Variants in ZCCHC14 observed in about 807,000 individuals in gnomAD.
ZCCHC14 encodes zinc finger CCHC-type containing 14, also known as zinc finger CCHC domain-containing protein 14.
A neutral mutation model predicts 85.0 loss-of-function variants in ZCCHC14; 16 were observed. The observed-to-expected ratio is 0.19, with a 90% CI of 0.13 to 0.29. The LOEUF is 0.29. ZCCHC14 is among the 10% of genes least tolerant of loss of function. ZCCHC14 has a pLI of 1.00. For synonymous variants in ZCCHC14, 775 were observed against 630.7 expected, an observed-to-expected ratio of 1.23 and a Z score of -3.43; for missense variants, 1,303 against 1,443.5, an observed-to-expected ratio of 0.90 and a Z score of 1.58.
chr16:87,452,555 G>A (rs1168675139), intron 2 of ZCCHC14, among the ~76,000 whole-genome samples: 1 of 152,094 alleles, frequency 6.6e-6, no homozygotes, highest in Admixed American at 6.6e-5. Flanking sequence ...ACAAGAAGAG[G>A]GAATTTCAAA....
At chr16:87,428,780 GACTC>G (rs1357147383) in intron 3 of ZCCHC14, among the ~76,000 whole-genome samples, 7 of 152,220 alleles carry the variant, frequency 4.6e-5, no homozygotes, top group Admixed American at 6.5e-5. Flanking sequence ...CTCATAAACG[GACTC>G]ACTGAGTATA....
intron 2 of ZCCHC14, among the ~76,000 whole-genome samples, chr16:87,455,947 T>C (rs1307539686): frequency 2.0e-5 from 3 of 152,206 alleles, no homozygotes; most frequent in Non-Finnish European, 4.4e-5. Context: ...AGCCATGATG[T>C]GTAGCAGGTG....
rs527980501 is a variant in ZCCHC14, at chr16:87,458,408, G to C, written c.694+1600C>G. ...TGAAGACGCTCAACCAAGAGCCACAGACCCTCCCAAGAGCAGTGGATAAGA... is the reference window on the plus strand; with the variant it reads ...TGAAGACGCTCAACCAAGAGCCACACACCCTCCCAAGAGCAGTGGATAAGA... On this transcript the variant is annotated intron_variant, in intron 2 of 12. Coordinates refer to ENST00000671377, the MANE Select transcript of ZCCHC14 (RefSeq NM_015144.3). 1.7e-4 allele frequency among the ~76,000 whole-genome samples: 26 copies of C among 152,310 alleles called. No individual in the cohort carries two copies. The East Asian group carries it at 3.5e-3, about 20-fold the overall frequency.
intron 2 of ZCCHC14, among the ~76,000 whole-genome samples, chr16:87,442,678 A>T (rs1219328570): frequency 2.0e-5 from 3 of 152,270 alleles, no homozygotes; most frequent in Non-Finnish European, 4.4e-5. Context: ...TTATCCAAAC[A>T]AGATAAGCCC....
intron 1 of ZCCHC14, among the ~76,000 whole-genome samples, chr16:87,477,972 G>C (rs146003574): frequency 2.6e-5 from 4 of 151,130 alleles, no homozygotes; most frequent in Admixed American, 2.0e-4. Flanking sequence ...TCCCGAGTCC[G>C]CTGCCCATCA....
At chr16:87,483,304 CAAAAAAAAAAAAAAAAAAAAAAAAA>C (rs56708958) in intron 1 of ZCCHC14, among the ~76,000 whole-genome samples, 5 of 43,666 alleles carry the variant, frequency 1.1e-4, no homozygotes, top group South Asian at 2.9e-3. Context: ...CTAAAAATAC[CAAAAAAAAAAAAAAAAAAAAAAAAA>C]AAAAAAAAAA....
In ZCCHC14 at chr16:87,410,188, T is replaced by C. The variant is rs1458047062; in HGVS notation, c.*92A>G. ...GTAAAGCACCTTTGGATTAAAAAGA[T>C]TAAGCTCAACAGCAACTAGACTTCT... On this transcript the variant is annotated 3_prime_UTR_variant, in exon 13 of 13. Coordinates refer to ENST00000671377, the MANE Select transcript of ZCCHC14 (RefSeq NM_015144.3). The C allele has an allele frequency of 3.3e-6, 2 of 606,902 alleles. No homozygotes were observed. The highest frequency in any genetic ancestry group is 2.9e-5 in the East Asian group (1 of 34,464). 37.6% of individuals were successfully genotyped at this position (606,902 alleles called of 1,614,324 possible).
Position 87,406,888 on chromosome 16 carries a change from C to G in ZCCHC14, c.*3392G>C, listed in dbSNP as rs991183927. On this transcript the variant is annotated 3_prime_UTR_variant, in exon 13 of 13. Coordinates refer to ENST00000671377, the MANE Select transcript of ZCCHC14 (RefSeq NM_015144.3). ...CTGCATGCTGGAAATGGCAGCCACC[C>G]CCGCTCAGGTCGCACAGGACTCTCC... 6.6e-6 allele frequency: 1 copy of G among 152,236 alleles called. No individual in the cohort carries two copies. The highest frequency in any genetic ancestry group is 1.5e-5 in the Non-Finnish European group (1 of 68,096). The allele number at this position is 152,236 out of a possible 1,614,324, so 9.4% of individuals were successfully genotyped here.
At chr16:87,484,243 A>C (rs921427895) in intron 1 of ZCCHC14, among the ~76,000 whole-genome samples, 3 of 152,216 alleles carry the variant, frequency 2.0e-5, no homozygotes, top group African/African-American at 7.2e-5. Flanking sequence ...CTGACCCTTA[A>C]AACGTCCTGG....
chr16:87,436,172 GACTCAGTC>G (rs1241556210), intron 2 of ZCCHC14, among the ~76,000 whole-genome samples: 2 of 152,256 alleles, frequency 1.3e-5, no homozygotes, highest in Non-Finnish European at 1.5e-5. Context: ...AGTAGGAAGT[GACTCAGTC>G]ATATTTCATA....
chr16:87,460,800 C>T (rs980584171), intron 1 of ZCCHC14, among the ~76,000 whole-genome samples: 2 of 152,170 alleles, frequency 1.3e-5, no homozygotes, highest in Admixed American at 1.3e-4. Context: ...CCCTATAAAA[C>T]GAATTACACA....
intron 1 of ZCCHC14, among the ~76,000 whole-genome samples, chr16:87,477,455 C>G (rs1006239061): frequency 3.3e-5 from 5 of 152,222 alleles, no homozygotes; most frequent in African/African-American, 1.2e-4. Context: ...AGGTCACACT[C>G]CCTACTTCTA....
In ZCCHC14 at chr16:87,423,771, G is replaced by A. The variant is rs200973947; in HGVS notation, c.840+39C>T. ...GGTATCATCAGCCACTGGGGAATGT[G>A]ATTCTTTTAATTTTTATAAGAGCCC... On this transcript the variant is annotated intron_variant, in intron 4 of 12. Transcript: ENST00000671377. 1.5e-4 allele frequency: 240 copies of A among 1,605,552 alleles called. 1 individual carries two copies. The highest frequency in any genetic ancestry group is 9.9e-4 in the Middle Eastern group (6 of 6,044).
chr16:87,432,985 G>A (rs867400201), intron 3 of ZCCHC14, 143 bp downstream of exon 3: 11 of 293,002 alleles, frequency 3.8e-5, no homozygotes, highest in Admixed American at 3.1e-4. Flanking sequence ...AGCCCACCCC[G>A]AGCTCAGGGC....
chr16:87,456,422 A>T (rs986647138), intron 2 of ZCCHC14, among the ~76,000 whole-genome samples: 1 of 148,788 alleles, frequency 6.7e-6, no homozygotes, highest in Non-Finnish European at 1.5e-5. Context: ...CCCAGCAGCT[A>T]CTCCGGAGGC....
chr16:87,486,070 G>A (rs1349671343), intron 1 of ZCCHC14, among the ~76,000 whole-genome samples: 15 of 152,104 alleles, frequency 9.9e-5, no homozygotes, highest in Non-Finnish European at 1.5e-5. Context: ...CACCTAATGA[G>A]GCAAATGTGA....
intron 4 of ZCCHC14, among the ~76,000 whole-genome samples, chr16:87,423,340 T>C (rs750634896): frequency 6.6e-5 from 10 of 152,136 alleles, no homozygotes; most frequent in Admixed American, 2.0e-4. Context: ...GTGATGATGG[T>C]ACCACCACAA....
chr16:87,465,761 T>C (rs1473005193), intron 1 of ZCCHC14, among the ~76,000 whole-genome samples: 2 of 152,194 alleles, frequency 1.3e-5, no homozygotes, highest in Non-Finnish European at 2.9e-5. Flanking sequence ...TGCTGCTGCA[T>C]GAATATTTCA....
At chr16:87,423,644 T>C (rs559548113) in intron 4 of ZCCHC14, among the ~76,000 whole-genome samples, 166 bp downstream of exon 4, 1 of 152,248 alleles carries the variant, frequency 6.6e-6, no homozygotes, top group Non-Finnish European at 1.5e-5. Flanking sequence ...GCAACGCTCA[T>C]GTCAGCAGCG....
Sources: allele counts gnomAD v4.1 joint callset (sites outside exome capture counted in the v4.1 genomes callset), GRCh38; gene constraint gnomAD v4.1.1; transcripts MANE v1.5; gene names NCBI Gene and HGNC (gene_info 2026-07-23, HGNC 2026-07-21).